RBMS3: variants seen among roughly 807,000 people sequenced by gnomAD.
RBMS3 encodes RNA-binding motif, single-stranded-interacting protein 3.
In RBMS3, 27 loss-of-function variants were observed where a neutral mutation model predicts 66.8. That is an observed-to-expected ratio of 0.40 (90% confidence interval 0.30 to 0.56). RBMS3 has a LOEUF of 0.56. Ranked by LOEUF, RBMS3 falls within the 20% of genes least tolerant of loss-of-function variation. The pLI is 0.40. For missense variants in RBMS3, 513 were observed against 549.5 expected, an observed-to-expected ratio of 0.93 and a Z score of 0.66; for synonymous variants, 188 against 183.0, an observed-to-expected ratio of 1.03 and a Z score of -0.22.
At chr3:29,491,108 G>A (rs968864260) in intron 3 of RBMS3, among the ~76,000 whole-genome samples, 2 of 152,174 alleles carry the variant, frequency 1.3e-5, no homozygotes, top group Admixed American at 6.5e-5. Context: ...TTCTATAACT[G>A]TGAAGGTTTG....
chr3:29,717,464 A>G (rs2053445998), intron 4 of RBMS3, among the ~76,000 whole-genome samples: 1 of 152,002 alleles, frequency 6.6e-6, no homozygotes, highest in African/African-American at 2.4e-5. Context: ...TTCTACCCCA[A>G]CTAGTGCTAA....
chr3:29,282,159 G>GT (rs1254870105), intron 1 of RBMS3, among the ~76,000 whole-genome samples: 1 of 152,090 alleles, frequency 6.6e-6, no homozygotes, highest in African/African-American at 2.4e-5. Context: ...CTCTAAAAGG[G>GT]TTTTTCCCAC....
intron 4 of RBMS3, among the ~76,000 whole-genome samples, chr3:29,738,967 TTATATC>T (rs2054499429): frequency 1.3e-5 from 2 of 152,192 alleles, no homozygotes; most frequent in Non-Finnish European, 2.9e-5. Context: ...AAAATGGTAA[TTATATC>T]TATTAAGAAT....
rs554819759 is a variant in RBMS3 at position 29,971,046 on chromosome 3, A to G, written c.1099-17097A>G. ...ACAAGATGCTCCCATTCCCCGCTTT[A>G]TAACTGCCTCCTCTCTTGGACTCAC... On this transcript the variant is annotated intron_variant, in intron 12 of 14. Coordinates refer to ENST00000383767, the MANE Select transcript of RBMS3 (RefSeq NM_001003793.3). Among the ~76,000 whole-genome samples the G allele has an allele frequency of 8.0e-4, 121 of 152,124 alleles. 2 individuals are homozygous for G. The highest frequency in any genetic ancestry group is 2.9e-3 in the African/African-American group (120 of 41,502).
intron 6 of RBMS3, among the ~76,000 whole-genome samples, chr3:29,781,073 T>G (rs1488892693): frequency 1.1e-4 from 16 of 151,908 alleles, no homozygotes; most frequent in African/African-American, 3.6e-4. Context: ...CATTAACTCG[T>G]CATTTAGCAT....
At chr3:29,889,960 A>C (rs1158982383) in intron 8 of RBMS3, among the ~76,000 whole-genome samples, 1 of 151,622 alleles carries the variant, frequency 6.6e-6, no homozygotes, top group African/African-American at 2.4e-5. Flanking sequence ...AAAGCAGCCA[A>C]ACTACCCATG....
chr3:29,978,506 T>C (rs1321378500), intron 12 of RBMS3, among the ~76,000 whole-genome samples: 3 of 152,046 alleles, frequency 2.0e-5, no homozygotes, highest in Non-Finnish European at 4.4e-5. Context: ...ATACAACACA[T>C]TGAACTGAGC....
At chr3:29,927,302 C>G (rs909971477) in intron 10 of RBMS3, 3 of 152,194 alleles carry the variant, frequency 2.0e-5, no homozygotes, top group East Asian at 3.9e-4. Flanking sequence ...GTTATTGTTT[C>G]ACATACCATT....
intron 2 of RBMS3, among the ~76,000 whole-genome samples, chr3:29,479,552 T>C (rs1281510993): frequency 6.6e-6 from 1 of 151,938 alleles, no homozygotes; most frequent in East Asian, 1.9e-4. Flanking sequence ...AATAAAGTAC[T>C]GGGTGCTTTC....
At chr3:29,612,143 CAA>C (rs1490836979) in intron 4 of RBMS3, among the ~76,000 whole-genome samples, 2 of 151,864 alleles carry the variant, frequency 1.3e-5, no homozygotes, top group African/African-American at 2.4e-5. Context: ...AGTATTCGAC[CAA>C]AGTTAACTAT....
At chr3:29,640,359 T>C (rs1390467910) in intron 4 of RBMS3, among the ~76,000 whole-genome samples, 1 of 151,820 alleles carries the variant, frequency 6.6e-6, no homozygotes, top group Non-Finnish European at 1.5e-5. Flanking sequence ...AAATTGAGCA[T>C]ATATTACCTG....
chr3:29,307,667 A>G (rs1370409844), intron 1 of RBMS3, among the ~76,000 whole-genome samples: 1 of 151,852 alleles, frequency 6.6e-6, no homozygotes, highest in African/African-American at 2.4e-5. Flanking sequence ...GCTGCCTTTG[A>G]TTGTAGGATT....
rs1243557825 is a variant in RBMS3, at chr3:29,798,256, A to AAAGGGAAGGGAAGGGAAGGGAAGGG, written c.637+35276_637+35300dup. The stretch of plus-strand genomic sequence containing the variant: ...AGAGGAAGGAAGGAAGGACAGAAGA[A>AAAGGGAAGGGAAGGGAAGGGAAGGG]AAGGGAAGGGAAGGGAAGGGAAGGG... On this transcript the variant is annotated intron_variant, in intron 6 of 14. Coordinates refer to ENST00000383767, the MANE Select transcript of RBMS3 (RefSeq NM_001003793.3). Among the ~76,000 whole-genome samples the AAAGGGAAGGGAAGGGAAGGGAAGGG allele has an allele frequency of 1.8e-3, 179 of 102,132 alleles. 2 individuals carry two copies. Among genetic ancestry groups the AAAGGGAAGGGAAGGGAAGGGAAGGG allele is most frequent in the African/African-American group, 7.4e-3 (163 of 22,088 alleles). The allele number at this position is 102,132 out of a possible 152,430, so 67.0% of individuals were successfully genotyped here.
chr3:29,769,605 A>G (rs568290025), intron 6 of RBMS3, among the ~76,000 whole-genome samples: 2 of 125,098 alleles, frequency 1.6e-5, no homozygotes, highest in Non-Finnish European at 3.7e-5. Context: ...GAATAGTGAC[A>G]AAGAGGGTTG....
At chr3:29,529,862 C>T (rs1235566642) in intron 3 of RBMS3, among the ~76,000 whole-genome samples, 2 of 151,798 alleles carry the variant, frequency 1.3e-5, no homozygotes, top group Non-Finnish European at 2.9e-5. Flanking sequence ...ATTCCAGTAG[C>T]CCTTCATAAC....
chr3:29,711,989 T>C (rs2053190571), intron 4 of RBMS3, among the ~76,000 whole-genome samples: 1 of 152,224 alleles, frequency 6.6e-6, no homozygotes, highest in African/African-American at 2.4e-5. Context: ...TTTTAAGTGA[T>C]CACTTTGCTG....
At chr3:29,485,940 G>T (rs535324643) in intron 2 of RBMS3, among the ~76,000 whole-genome samples, 54 of 152,092 alleles carry the variant, frequency 3.6e-4, no homozygotes, top group African/African-American at 1.2e-3. Flanking sequence ...AGTAAATGAG[G>T]TTATATACCT....
intron 1 of RBMS3, among the ~76,000 whole-genome samples, chr3:29,366,917 G>T (rs9855507): frequency 0.2 from 29,924 of 151,950 alleles, 3,045 homozygotes; most frequent in African/African-American, 0.24. Flanking sequence ...AAGCATTTTG[G>T]TCCTTGATCA....
rs752560038 is a variant in RBMS3 at position 29,488,566 on chromosome 3, T to C, written c.307+67T>C. ...TATCTGATTAATGGTTCTTCCATTG[T>C]GGAGGTCCAGGTACCAGCTGCACAA... On this transcript the variant is annotated intron_variant, in intron 3 of 14. Coordinates refer to ENST00000383767, the MANE Select transcript of RBMS3 (RefSeq NM_001003793.3). 7 of 1,418,886 alleles carry C rather than the reference T, an allele frequency of 4.9e-6. No homozygotes were observed. The African/African-American group carries it at 8.6e-5, about 17-fold the overall frequency. The allele number at this position is 1,418,886 out of a possible 1,614,324, so 87.9% of individuals were successfully genotyped here. A position where few individuals can be genotyped will look rare whatever the true frequency, so the allele number is the denominator to read the frequency against.
Sources: allele counts gnomAD v4.1 joint callset (sites outside exome capture counted in the v4.1 genomes callset), GRCh38; gene constraint gnomAD v4.1.1; transcripts MANE v1.5; gene names NCBI Gene and HGNC (gene_info 2026-07-23, HGNC 2026-07-21).